GABARAP: variants seen among roughly 807,000 people sequenced by gnomAD.
The protein encoded by GABARAP is gamma-aminobutyric acid receptor-associated protein.
GABARAP carries 5 observed loss-of-function variants against 16.7 expected under a neutral mutation model. The ratio of observed to expected loss-of-function variants is 0.30; its 90% CI spans 0.16 to 0.63. The LOEUF (loss-of-function observed/expected upper bound fraction) is 0.63. Ranked by LOEUF, GABARAP falls within the 20% of genes least tolerant of loss-of-function variation. GABARAP has a pLI of 0.82. For synonymous variants in GABARAP, 45 were observed against 52.7 expected, an observed-to-expected ratio of 0.85 and a Z score of 0.64; for missense variants, 84 against 146.6, an observed-to-expected ratio of 0.57 and a Z score of 2.21.
Position 7,240,396 on chromosome 17 carries a change from G to T in GABARAP, c.*458C>A, listed in dbSNP as rs1441975193. 1 of 161,446 alleles carries T rather than the reference G, an allele frequency of 6.2e-6. No individual in the cohort carries two copies. The highest frequency in any genetic ancestry group is 1.9e-4 in the East Asian group (1 of 5,304). 10.0% of individuals were successfully genotyped at this position (161,446 alleles called of 1,614,324 possible). ...AGACTTAAAATCAGCGGGACGAGGG[G>T]AGCAACACAAGGCAAAATTCAGTTC... On this transcript the variant is annotated 3_prime_UTR_variant, in exon 4 of 4. Transcript: ENST00000302386.
At position 7,241,409 on chromosome 17, in the gene GABARAP, T is replaced by G. The variant is rs1716731430; in HGVS notation, c.221A>C (p.Asp74Ala). Residue 74 changes from aspartate (D) to alanine (A), a missense_variant, in exon 3 of 4, where the codon GAT (aspartate) becomes GCT (alanine). Coordinates refer to ENST00000302386, the MANE Select transcript of GABARAP (RefSeq NM_007278.2). Reference protein sequence around the residue: ...IRKRIHLRAEDALFFFVNNVI... With the variant: ...IRKRIHLRAEAALFFFVNNVI... The stretch of plus-strand genomic sequence containing the variant: ...ATTGTTGACAAAGAAAAACAAGGCA[T>G]CCTCAGCTCGGAGATGAATTCGCTT... 6.2e-7 allele frequency: 1 copy of G among 1,605,620 alleles called. No individual in the cohort carries two copies. Among genetic ancestry groups the G allele is most frequent in the African/African-American group, 1.3e-5 (1 of 74,754 alleles).
In GABARAP at chr17:7,241,678, A is replaced by G. The variant is rs988939339; in HGVS notation, c.92T>C (p.Val31Ala). The G allele has an allele frequency of 3.8e-6, 6 of 1,589,608 alleles. No individual in the cohort carries two copies. In the African/African-American group the frequency reaches 8.1e-5, roughly 21 times the overall value. The change falls in exon 2 of 4, where the codon GTG (valine) becomes GCG (alanine). Residue 31 changes from valine to alanine, a missense_variant and splice_region_variant. Val to Ala is a moderately conservative substitution (Grantham distance 64, BLOSUM62 0). Coordinates refer to ENST00000302386, the MANE Select transcript of GABARAP (RefSeq NM_007278.2). ...IRKKYPDRVP[V>A]IVEKAPKARI... is the part of the protein sequence containing the mutation. ...AGCTTTGGGAGCCTTTTCTACTATC[A>G]CCTGATAAAGAGATGAAAATTAGGA...
Position 7,242,367 on chromosome 17 carries a change from G to T in GABARAP, c.-37C>A, listed in dbSNP as rs1284357599. 2.0e-6 allele frequency: 3 copies of T among 1,505,594 alleles called. No individual in the cohort carries two copies. The highest frequency in any genetic ancestry group is 2.8e-6 in the Non-Finnish European group (3 of 1,085,868). 93.3% of individuals were successfully genotyped at this position (1,505,594 alleles called of 1,614,324 possible). On this transcript the variant is annotated 5_prime_UTR_variant, in exon 1 of 4. Transcript: ENST00000302386. ...CCGGGCTGGACAGGGCTGGGCTGAG[G>T]GAACCCAGGGGGGCCGGGACGGGGG...
rs980597309 is a variant in GABARAP, at chr17:7,242,419, G to A, written c.-89C>T. 5 of 932,026 alleles carry A rather than the reference G, an allele frequency of 5.4e-6. No individual in the cohort carries two copies. The highest frequency in any genetic ancestry group is 8.6e-6 in the Non-Finnish European group (5 of 578,424). The allele number at this position is 932,026 out of a possible 1,614,324, so 57.7% of individuals were successfully genotyped here. The stretch of plus-strand genomic sequence containing the variant: ...CGGCGACGACGGCGGCGACGCGCGG[G>A]CGGATTCAGCGGAGCGATCCACGAA... On this transcript the variant is annotated 5_prime_UTR_variant, in exon 1 of 4. Transcript: ENST00000302386.
At chr17:7,241,869 G>C in intron 1 of GABARAP, 190 bp from the exon 2 acceptor site, 1 of 606,646 alleles carries the variant, frequency 1.6e-6, no homozygotes, top group Non-Finnish European at 2.9e-6. Flanking sequence ...TAAATATCCA[G>C]GATCCATCCC....
rs2071779273 is a variant in GABARAP, at chr17:7,241,583, C to G, written c.169+18G>C. ...CCACCCACAGGAAGCAAGCCTGAGT[C>G]TTGGATCAGGTTCCCACCTGTGAGA... On this transcript the variant is annotated intron_variant, in intron 2 of 3. Transcript: ENST00000302386. 6.3e-7 allele frequency: 1 copy of G among 1,582,396 alleles called. No homozygotes were observed. The highest frequency in any genetic ancestry group is 1.3e-5 in the African/African-American group (1 of 74,266).
At position 7,242,248 on chromosome 17, in the gene GABARAP, C is replaced by T. The variant is rs1299415259; in HGVS notation, c.83G>A (p.Arg28Gln). The change falls in exon 1 of 4, where the codon CGG becomes CAG. Residue 28 changes from arginine (R) to glutamine (Q), a missense_variant. Transcript: ENST00000302386. ...GEKIRKKYPD[R>Q]VPVIVEKAPK... ...CCTGGCTACTGTCCTCACCGGCACCCGGTCCGGGTATTTCTTTCGGATCTT... is the reference window on the plus strand; with the variant it reads ...CCTGGCTACTGTCCTCACCGGCACCTGGTCCGGGTATTTCTTTCGGATCTT... The T allele has an allele frequency of 1.2e-6, 2 of 1,612,766 alleles. No individual in the cohort carries two copies. Among genetic ancestry groups the T allele is most frequent in the South Asian group, 2.2e-5 (2 of 91,058 alleles).
At chr17:7,241,835 T>G (rs1477179006) in intron 1 of GABARAP, 156 bp from the exon 2 acceptor site, 3 of 633,516 alleles carry the variant, frequency 4.7e-6, no homozygotes, top group Non-Finnish European at 8.5e-6. Context: ...CCAGAGATCC[T>G]GACCTCACTG....
rs45618636 is a variant in GABARAP, at chr17:7,240,519, G to A, written c.*335C>T. On this transcript the variant is annotated 3_prime_UTR_variant, in exon 4 of 4. Transcript: ENST00000302386. ...CCAAAAAAGAAGGTAGTGAAAGGAA[G>A]GGATTGCTGGGGTTCTGAGCCCCTT... 9.8e-3 allele frequency: 2,052 copies of A among 209,956 alleles called. 46 individuals are homozygous for A. The highest frequency in any genetic ancestry group is 0.044 in the African/African-American group (1,898 of 43,158). 13.0% of individuals were successfully genotyped at this position (209,956 alleles called of 1,614,324 possible).
At position 7,242,350 on chromosome 17, in the gene GABARAP, G is replaced by A; in HGVS notation, c.-20C>T. Reference sequence around the variant, plus strand: ...CTTCATCCTCCCGGGAACCGGGCTGGACAGGGCTGGGCTGAGGGAACCCAG... The same window carrying A: ...CTTCATCCTCCCGGGAACCGGGCTGAACAGGGCTGGGCTGAGGGAACCCAG... On this transcript the variant is annotated 5_prime_UTR_variant, in exon 1 of 4. Coordinates refer to ENST00000302386, the MANE Select transcript of GABARAP (RefSeq NM_007278.2). The A allele has an allele frequency of 6.3e-7, 1 of 1,594,748 alleles. No individual in the cohort carries two copies. The highest frequency in any genetic ancestry group is 8.6e-7 in the Non-Finnish European group (1 of 1,162,726).
Position 7,241,400 on chromosome 17 carries a change from A to G in GABARAP, c.230T>C (p.Phe77Ser), listed in dbSNP as rs2071776848. 6.2e-7 allele frequency: 1 copy of G among 1,606,350 alleles called. No individual in the cohort carries two copies. The highest frequency in any genetic ancestry group is 1.3e-5 in the African/African-American group (1 of 74,926). Residue 77 changes from phenylalanine to serine, a missense_variant, in exon 3 of 4, where the codon TTT becomes TCT. Transcript: ENST00000302386. Reference protein sequence around the residue: ...RIHLRAEDALFFFVNNVIPPT... With the variant: ...RIHLRAEDALSFFVNNVIPPT... ...TGGAATGACATTGTTGACAAAGAAA[A>G]ACAAGGCATCCTCAGCTCGGAGATG...
Position 7,241,619 on chromosome 17 carries a change from C to A in GABARAP, c.151G>T (p.Val51Leu), listed in dbSNP as rs2071779583. Residue 51 changes from valine to leucine, a missense_variant, in exon 2 of 4, where the codon GTG (valine) becomes TTG (leucine). Val to Leu is a conservative substitution (Grantham distance 32, BLOSUM62 1). Coordinates refer to ENST00000302386, the MANE Select transcript of GABARAP (RefSeq NM_007278.2). ...IGDLDKKKYL[V>L]PSDLTVGQFY... Reference sequence around the variant, plus strand: ...TTCCCACCTGTGAGATCAGAAGGCACCAGGTATTTCTTTTTGTCCAGGTCT... The same window carrying A: ...TTCCCACCTGTGAGATCAGAAGGCAACAGGTATTTCTTTTTGTCCAGGTCT... The A allele has an allele frequency of 1.9e-6, 3 of 1,610,588 alleles. No homozygotes were observed. The highest frequency in any genetic ancestry group is 2.5e-6 in the Non-Finnish European group (3 of 1,176,946).
chr17:7,241,855 C>T, intron 1 of GABARAP, 176 bp from the exon 2 acceptor site: 1 of 613,908 alleles, frequency 1.6e-6, no homozygotes, highest in Non-Finnish European at 2.9e-6. Flanking sequence ...GACTGGAGCT[C>T]ATTTAAATAT....
chr17:7,241,241 C>CAGG lies in GABARAP; in HGVS notation c.288+98_288+100dup. The CAGG allele has an allele frequency of 3.9e-6, 3 of 761,580 alleles. No homozygotes were observed. The South Asian group carries it at 4.4e-5, about 11-fold the overall frequency. 47.2% of individuals were successfully genotyped at this position (761,580 alleles called of 1,614,324 possible). On this transcript the variant is annotated intron_variant, in intron 3 of 3. Transcript: ENST00000302386. ...GCTATTATGAAACTTTAAGGCAAGCCAGGAAGCTAGTCCAAAACTACTGAT... is the reference window on the plus strand; with the variant it reads ...GCTATTATGAAACTTTAAGGCAAGCCAGGAGGAAGCTAGTCCAAAACTACTGAT...
At position 7,241,604 on chromosome 17, in the gene GABARAP, T is replaced by A; in HGVS notation, c.166A>T (p.Thr56Ser). 1 of 1,604,320 alleles carries A rather than the reference T, an allele frequency of 6.2e-7. No individual in the cohort carries two copies. The highest frequency in any genetic ancestry group is 8.5e-7 in the Non-Finnish European group (1 of 1,171,150). The change falls in exon 2 of 4, where the codon ACA (threonine) becomes TCA (serine). Residue 56 changes from threonine (T) to serine (S), a missense_variant. Thr to Ser is a moderately conservative substitution (Grantham distance 58, BLOSUM62 1). Transcript: ENST00000302386. ...KKKYLVPSDLTVGQFYFLIRK... is the reference protein window; with the variant it reads ...KKKYLVPSDLSVGQFYFLIRK... The stretch of plus-strand genomic sequence containing the variant: ...GAGTCTTGGATCAGGTTCCCACCTG[T>A]GAGATCAGAAGGCACCAGGTATTTC...
At chr17:7,241,536 T>G in intron 2 of GABARAP, 65 bp downstream of exon 2, 1 of 1,351,462 alleles carries the variant, frequency 7.4e-7, no homozygotes, top group Non-Finnish European at 1.1e-6. Flanking sequence ...AGGTGGAGCC[T>G]CCTCCCGCAG....
At position 7,240,931 on chromosome 17, in the gene GABARAP, G is replaced by A; in HGVS notation, c.289-12C>T. 1.9e-6 allele frequency: 3 copies of A among 1,601,326 alleles called. No individual in the cohort carries two copies. The highest frequency in any genetic ancestry group is 2.2e-5 in the South Asian group (2 of 90,786). ...TCTTCATGGTGTTCCTGGGATGAAA[G>A]CAGAAAACTGTTCAGCAACTGGGCT... On this transcript the variant is annotated splice_polypyrimidine_tract_variant and intron_variant, in intron 3 of 3. Coordinates refer to ENST00000302386, the MANE Select transcript of GABARAP (RefSeq NM_007278.2).
rs917453176 is a variant in GABARAP, at chr17:7,240,783, G to T, written c.*71C>A. 5.2e-5 allele frequency: 50 copies of T among 957,540 alleles called. No homozygotes were observed. The Middle Eastern group carries it at 8.4e-4, about 16-fold the overall frequency. 59.3% of individuals were successfully genotyped at this position (957,540 alleles called of 1,614,324 possible). On this transcript the variant is annotated 3_prime_UTR_variant, in exon 4 of 4. Coordinates refer to ENST00000302386, the MANE Select transcript of GABARAP (RefSeq NM_007278.2). ...GGTGGTGTTTGAGCTTGAAGGAGGA[G>T]GAGGTCAAGAAAGGGGGGCCACCTC...
chr17:7,241,153 C>T (rs936129880), intron 3 of GABARAP, 189 bp downstream of exon 3: 9 of 681,038 alleles, frequency 1.3e-5, no homozygotes, highest in African/African-American at 1.3e-4. Context: ...GATAGTTTCT[C>T]TAGCTCACTG....
Sources: allele counts gnomAD v4.1 joint callset, GRCh38; gene constraint gnomAD v4.1.1; transcripts MANE v1.5; gene names NCBI Gene and HGNC (gene_info 2026-07-23, HGNC 2026-07-21).